MYO1D: variants seen among roughly 807,000 people sequenced by gnomAD.
The protein encoded by MYO1D is myosin ID, also known as unconventional myosin-Id.
In MYO1D, 83 loss-of-function variants were observed where a neutral mutation model predicts 122.0. The ratio of observed to expected loss-of-function variants is 0.68; its 90% CI spans 0.57 to 0.82. MYO1D has a LOEUF of 0.82. MYO1D is among the 40% of genes least tolerant of loss of function. The pLI is 0.00. For synonymous variants in MYO1D, 464 were observed against 446.9 expected (o/e 1.04, Z -0.48); for missense variants, 1,157 against 1,269.5 (o/e 0.91, Z 1.35).
At chr17:32,516,655 C>T (rs2905171) in intron 21 of MYO1D, among the ~76,000 whole-genome samples, 113,874 of 152,212 alleles carry the variant, frequency 0.75, 42,960 homozygotes, top group African/African-American at 0.85. Flanking sequence ...TGCCCTTGAG[C>T]GCAGACACAC....
At chr17:32,509,468 C>T (rs1372015703) in intron 21 of MYO1D, among the ~76,000 whole-genome samples, 3 of 152,154 alleles carry the variant, frequency 2.0e-5, no homozygotes, top group Non-Finnish European at 4.4e-5. Flanking sequence ...GGAATTGTAT[C>T]GATAAACATG....
At chr17:32,792,610 A>T (rs1282360732) in intron 1 of MYO1D, 2 of 152,184 alleles carry the variant, frequency 1.3e-5, no homozygotes, top group Non-Finnish European at 2.9e-5. Context: ...GACAGGGACC[A>T]TATGTTGGAA....
intron 16 of MYO1D, among the ~76,000 whole-genome samples, chr17:32,686,635 A>C (rs2089011286): frequency 6.6e-6 from 1 of 152,060 alleles, no homozygotes; most frequent in Non-Finnish European, 1.5e-5. Context: ...GGAGGCTGAG[A>C]CAGGAGGATC....
At chr17:32,872,901 T>C (rs1441205036) in intron 1 of MYO1D, among the ~76,000 whole-genome samples, 2 of 151,516 alleles carry the variant, frequency 1.3e-5, no homozygotes, top group Non-Finnish European at 2.9e-5. Flanking sequence ...TTTCACCTTG[T>C]TAGCCAGGAT....
At chr17:32,501,669 G>A (rs1909323378) in intron 21 of MYO1D, among the ~76,000 whole-genome samples, 1 of 152,192 alleles carries the variant, frequency 6.6e-6, no homozygotes, top group East Asian at 1.9e-4. Context: ...GCACGTACCG[G>A]GAGGCATCCC....
chr17:32,760,986 G>A (rs1850572382), intron 8 of MYO1D, among the ~76,000 whole-genome samples: 1 of 152,146 alleles, frequency 6.6e-6, no homozygotes, highest in African/African-American at 2.4e-5. Flanking sequence ...AGAGTTGAGA[G>A]CTAGTGAGTT....
chr17:32,660,673 T>C (rs2088550872), intron 16 of MYO1D, among the ~76,000 whole-genome samples: 1 of 147,596 alleles, frequency 6.8e-6, no homozygotes, highest in African/African-American at 2.4e-5. Context: ...TAACCTAGAG[T>C]TCACATATAA....
intron 1 of MYO1D, among the ~76,000 whole-genome samples, chr17:32,784,743 AG>A (rs2090275633): frequency 6.6e-6 from 1 of 152,146 alleles, no homozygotes; most frequent in Admixed American, 6.5e-5. Flanking sequence ...AATCTATAGT[AG>A]GAAGTCAAGA....
At chr17:32,807,144 A>AC (rs1489873810) in intron 1 of MYO1D, among the ~76,000 whole-genome samples, 2 of 151,868 alleles carry the variant, frequency 1.3e-5, no homozygotes. Flanking sequence ...TTGGAAAAAA[A>AC]TCACAAAAAT....
chr17:32,656,823 G>T (rs1159843846), intron 17 of MYO1D, among the ~76,000 whole-genome samples: 2 of 152,200 alleles, frequency 1.3e-5, no homozygotes, highest in Non-Finnish European at 2.9e-5. Context: ...TCTCGAATCA[G>T]CCCTTGATCT....
At chr17:32,782,409 A>G (rs2090247989) in intron 1 of MYO1D, among the ~76,000 whole-genome samples, 1 of 152,178 alleles carries the variant, frequency 6.6e-6, no homozygotes, top group Admixed American at 6.5e-5. Context: ...ATACCTTGTG[A>G]AAGCTACTTA....
intron 16 of MYO1D, among the ~76,000 whole-genome samples, chr17:32,698,713 AAC>A (rs1429714456): frequency 2.4e-4 from 37 of 152,276 alleles, no homozygotes; most frequent in East Asian, 3.9e-4. Flanking sequence ...ACTTATAATT[AAC>A]AGTTATTATA....
intron 19 of MYO1D, among the ~76,000 whole-genome samples, chr17:32,652,407 T>G (rs927750878): frequency 6.6e-6 from 1 of 152,218 alleles, no homozygotes; most frequent in Non-Finnish European, 1.5e-5. Context: ...TCACCTAAAC[T>G]TGGGCCTTTA....
At chr17:32,669,546 C>T (rs1036814184) in intron 16 of MYO1D, among the ~76,000 whole-genome samples, 5 of 152,188 alleles carry the variant, frequency 3.3e-5, no homozygotes, top group African/African-American at 1.2e-4. Flanking sequence ...AAAATCCTTA[C>T]ATCAGTAAAA....
In MYO1D at chr17:32,867,933, A is replaced by AC. The variant is rs397857050; in HGVS notation, c.95+8844dup. 2.1e-3 allele frequency among the ~76,000 whole-genome samples: 313 copies of AC among 151,672 alleles called. 1 individual carries two copies. The highest frequency in any genetic ancestry group is 7.4e-3 in the African/African-American group (305 of 41,298). ...GATTTAAAAAAAAAACAAAAAAAAA[A>AC]CTCTAGACTTAAAGTCTATTACCTA... On this transcript the variant is annotated intron_variant, in intron 1 of 21. Coordinates refer to ENST00000318217, the MANE Select transcript of MYO1D (RefSeq NM_015194.3).
At chr17:32,725,445 T>C (rs548075408) in intron 14 of MYO1D, among the ~76,000 whole-genome samples, 2 of 151,648 alleles carry the variant, frequency 1.3e-5, no homozygotes, top group African/African-American at 4.8e-5. Context: ...GTCTTGAACC[T>C]GGGAGGCAGA....
chr17:32,599,306 C>T (rs321171), intron 21 of MYO1D, among the ~76,000 whole-genome samples: 6,696 of 152,262 alleles, frequency 0.044, 196 homozygotes, highest in East Asian at 0.077. Context: ...TCTGCTCTTC[C>T]ATAAGAAGCT....
chr17:32,560,562 T>A (rs1254793299), intron 21 of MYO1D, among the ~76,000 whole-genome samples: 3 of 109,592 alleles, frequency 2.7e-5, no homozygotes, highest in Admixed American at 9.5e-5. Context: ...TATATATATA[T>A]ATATATATAT....
intron 21 of MYO1D, among the ~76,000 whole-genome samples, chr17:32,525,218 T>A (rs1020581351): frequency 6.6e-6 from 1 of 152,242 alleles, no homozygotes; most frequent in African/African-American, 2.4e-5. Context: ...TGACCACTGC[T>A]CCAACGGTTT....
Sources: allele counts gnomAD v4.1 joint callset (sites outside exome capture counted in the v4.1 genomes callset), GRCh38; gene constraint gnomAD v4.1.1; transcripts MANE v1.5; gene names NCBI Gene and HGNC (gene_info 2026-07-23, HGNC 2026-07-21).